Variants in SH3PXD2B observed in about 807,000 individuals in gnomAD.
SH3PXD2B encodes SH3 and PX domains 2B.
Under a neutral mutation model 73.1 loss-of-function variants are expected in SH3PXD2B, and 37 were observed. That is an observed-to-expected ratio of 0.51 (90% CI 0.39 to 0.67). The LOEUF (loss-of-function observed/expected upper bound fraction) is 0.67, where lower values mean the gene tolerates loss of function less well. SH3PXD2B is among the 30% of genes least tolerant of loss of function. SH3PXD2B has a pLI of 0.00. For missense variants in SH3PXD2B, 1,053 were observed against 1,197.8 expected (o/e 0.88, Z 1.78); for synonymous variants, 457 against 480.5 (o/e 0.95, Z 0.64).
Position 172,422,649 on chromosome 5 carries a change from A to C in SH3PXD2B, c.76-153T>G, listed in dbSNP as rs28414603. ...GGCTGGACAAGTTGCTTGCTGTAAG[A>C]CTCATCTCCCTCCTCAATAAAATGA... On this transcript the variant is annotated intron_variant, in intron 1 of 12. Coordinates refer to ENST00000311601, the MANE Select transcript of SH3PXD2B (RefSeq NM_001017995.3). 0.51 allele frequency among the ~76,000 whole-genome samples: 77,093 copies of C among 152,020 alleles called. 21,321 individuals are homozygous for C. The highest frequency in any genetic ancestry group is 0.71 in the African/African-American group (29,627 of 41,462).
At chr5:172,329,687 G>A (rs1756519816), downstream of SH3PXD2B, among the ~76,000 whole-genome samples, 2 of 151,764 alleles carry the variant, frequency 1.3e-5, no homozygotes, top group Admixed American at 6.6e-5. Flanking sequence ...ACAGGCACCC[G>A]CCACCACGCC....
At chr5:172,454,157 G>A (rs1245772545) in intron 1 of SH3PXD2B, 121 bp downstream of exon 1, 5 of 669,290 alleles carry the variant, frequency 7.5e-6, no homozygotes, top group Middle Eastern at 3.2e-4. Flanking sequence ...CAGAGCCGAG[G>A]GGAGAGCAGG....
At chr5:172,431,192 C>T (rs1374640981) in intron 1 of SH3PXD2B, among the ~76,000 whole-genome samples, 1 of 152,236 alleles carries the variant, frequency 6.6e-6, no homozygotes, top group African/African-American at 2.4e-5. Flanking sequence ...TGCCTAACCC[C>T]CATGGCCACA....
At chr5:172,352,629 G>A (rs375898913) in intron 9 of SH3PXD2B, among the ~76,000 whole-genome samples, 6 of 152,324 alleles carry the variant, frequency 3.9e-5, no homozygotes, top group African/African-American at 1.2e-4. Flanking sequence ...TCAGGCGGAG[G>A]TAACTGAATC....
chr5:172,372,709 A>G (rs75078766), intron 6 of SH3PXD2B, among the ~76,000 whole-genome samples: 3,822 of 152,258 alleles, frequency 0.025, 184 homozygotes, highest in African/African-American at 0.088. Flanking sequence ...GCAGATTGCT[A>G]TATCAACCCC....
chr5:172,343,967 A>G (rs1304630074), intron 12 of SH3PXD2B, among the ~76,000 whole-genome samples: 1 of 139,760 alleles, frequency 7.2e-6, no homozygotes, highest in South Asian at 2.2e-4. Flanking sequence ...ATGCTGATAG[A>G]AAAAAAAAAA....
chr5:172,453,869 G>C (rs1291662994), intron 1 of SH3PXD2B, among the ~76,000 whole-genome samples: 2 of 152,170 alleles, frequency 1.3e-5, no homozygotes, highest in Non-Finnish European at 1.5e-5. Flanking sequence ...GCGCGCCTCT[G>C]GACAAGGAGG....
chr5:172,368,884 A>T (rs58679702), intron 6 of SH3PXD2B, among the ~76,000 whole-genome samples: 41 of 124,398 alleles, frequency 3.3e-4, no homozygotes, highest in Admixed American at 1.5e-3. Flanking sequence ...TATATAATAT[A>T]AAAAAAAATA....
chr5:172,418,804 G>A (rs1393377197), intron 2 of SH3PXD2B, among the ~76,000 whole-genome samples: 4 of 152,304 alleles, frequency 2.6e-5, no homozygotes, highest in South Asian at 4.1e-4. Flanking sequence ...AGCCTGTCAC[G>A]GCAACCCCCC....
At chr5:172,349,590 G>A (rs952494423) in intron 10 of SH3PXD2B, among the ~76,000 whole-genome samples, 1 of 152,218 alleles carries the variant, frequency 6.6e-6, no homozygotes, top group Non-Finnish European at 1.5e-5. Context: ...TGGAGCAATA[G>A]AGAGCACAGC....
intron 7 of SH3PXD2B, among the ~76,000 whole-genome samples, chr5:172,359,387 CAAAAAAAAAA>C (rs70982393): frequency 1.2e-5 from 1 of 84,088 alleles, no homozygotes; most frequent in South Asian, 5.3e-4. Context: ...ACCCCCATCT[CAAAAAAAAAA>C]AAAAAAAAAA....
chr5:172,364,325 T>C (rs1431875101), intron 6 of SH3PXD2B, among the ~76,000 whole-genome samples: 1 of 152,104 alleles, frequency 6.6e-6, no homozygotes, highest in Non-Finnish European at 1.5e-5. Flanking sequence ...CTATTGTTCC[T>C]ATAAATCATT....
intron 5 of SH3PXD2B, among the ~76,000 whole-genome samples, chr5:172,376,491 G>A (rs1757824364): frequency 6.6e-6 from 1 of 152,220 alleles, no homozygotes; most frequent in African/African-American, 2.4e-5. Flanking sequence ...TCTACTCAAT[G>A]TGTCTGGGTT....
chr5:172,409,330 C>T lies in SH3PXD2B; in HGVS notation c.157-2978G>A, dbSNP rs537829877. Among the ~76,000 whole-genome samples the T allele has an allele frequency of 9.9e-5, 15 of 151,040 alleles. 1 individual carries two copies. The South Asian group carries it at 2.7e-3, about 27-fold the overall frequency. ...CTGGGAGGTGGAGGTTGCAGCGAGC[C>T]GAGACCGCGCCATTGCACTACAGCC... On this transcript the variant is annotated intron_variant, in intron 2 of 12. Transcript: ENST00000311601.
chr5:172,410,756 A>G (rs544262215), intron 2 of SH3PXD2B, among the ~76,000 whole-genome samples: 1 of 152,368 alleles, frequency 6.6e-6, no homozygotes, highest in Admixed American at 6.5e-5. Flanking sequence ...AATCACAACT[A>G]ACACGTATAT....
At position 172,337,298 on chromosome 5, in the gene SH3PXD2B, C is replaced by T; in HGVS notation, c.*1071G>A. 1.0e-6 allele frequency: 1 copy of T among 985,646 alleles called. No individual in the cohort carries two copies. The highest frequency in any genetic ancestry group is 1.2e-6 in the Non-Finnish European group (1 of 830,052). The allele number at this position is 985,646 out of a possible 1,614,324, so 61.1% of individuals were successfully genotyped here. A position where few individuals can be genotyped will look rare whatever the true frequency, so the allele number is the denominator to read the frequency against. On this transcript the variant is annotated 3_prime_UTR_variant, in exon 13 of 13. Transcript: ENST00000311601. ...CACTTAGCCAGCTTCTATCTCTTCC[C>T]TGCCTGGTTTGTCTTTTACAGAGGG...
chr5:172,439,984 T>C (rs967054416), intron 1 of SH3PXD2B, among the ~76,000 whole-genome samples: 3 of 152,002 alleles, frequency 2.0e-5, no homozygotes, highest in Non-Finnish European at 1.5e-5. Context: ...CAAGCAGAGG[T>C]GCTGGCAGCT....
rs1756671028 is a variant in SH3PXD2B at position 172,335,643 on chromosome 5, T to C, written c.*2726A>G. 8.1e-7 allele frequency: 1 copy of C among 1,231,754 alleles called. No individual in the cohort carries two copies. 76.3% of individuals were successfully genotyped at this position (1,231,754 alleles called of 1,614,324 possible). A position where few individuals can be genotyped will look rare whatever the true frequency, so the allele number is the denominator to read the frequency against. On this transcript the variant is annotated 3_prime_UTR_variant, in exon 13 of 13. Coordinates refer to ENST00000311601, the MANE Select transcript of SH3PXD2B (RefSeq NM_001017995.3). ...CATTGTCACGATGGGCCTGGACACT[T>C]TCTAGAGCCATGACTCCAGGGGAGT...
chr5:172,358,955 G>A, intron 7 of SH3PXD2B, 78 bp from the exon 8 acceptor site: 1 of 1,345,902 alleles, frequency 7.4e-7, no homozygotes, highest in Non-Finnish European at 1.0e-6. Context: ...AATCTATTCA[G>A]CCACTGTACC....
Sources: gnomAD v4.1 joint callset for allele counts (sites outside exome capture counted in the v4.1 genomes callset) on GRCh38, gnomAD v4.1.1 for gene constraint, MANE v1.5 for transcripts, NCBI Gene and HGNC (gene_info 2026-07-23, HGNC 2026-07-21) for gene names.